HCRTR2: variants seen among roughly 807,000 people sequenced by gnomAD.
HCRTR2 encodes orexin receptor type 2.
HCRTR2 carries 22 observed loss-of-function variants against 49.0 expected under a neutral mutation model. That is an observed-to-expected ratio of 0.45 (90% CI 0.32 to 0.64). HCRTR2 has a LOEUF of 0.64. HCRTR2 is among the 30% of genes least tolerant of loss of function. HCRTR2 has a pLI of 0.04. For missense variants in HCRTR2, 491 were observed against 559.4 expected, an observed-to-expected ratio of 0.88 and a Z score of 1.23; for synonymous variants, 236 against 205.3, an observed-to-expected ratio of 1.15 and a Z score of -1.28.
intron 3 of HCRTR2, among the ~76,000 whole-genome samples, chr6:55,263,502 T>C (rs753125971): frequency 1.3e-5 from 2 of 152,150 alleles, no homozygotes; most frequent in Non-Finnish European, 2.9e-5. Context: ...AAATTACGAC[T>C]TCACATTTGG....
intron 1 of HCRTR2, among the ~76,000 whole-genome samples, chr6:55,220,635 C>T (rs530265707): frequency 2.0e-5 from 3 of 152,092 alleles, no homozygotes; most frequent in Non-Finnish European, 4.4e-5. Context: ...GCTTTTCCTC[C>T]AAGATCAGGA....
At chr6:55,279,052 C>T (rs765418767) in intron 5 of HCRTR2, among the ~76,000 whole-genome samples, 2 of 151,624 alleles carry the variant, frequency 1.3e-5, no homozygotes, top group African/African-American at 2.4e-5. Flanking sequence ...CCTTCCTTTC[C>T]AAGGAAAACA....
At chr6:55,259,479 T>C (rs1383887869) in intron 3 of HCRTR2, among the ~76,000 whole-genome samples, 2 of 152,070 alleles carry the variant, frequency 1.3e-5, no homozygotes, top group African/African-American at 4.8e-5. Context: ...TCCTGATAAG[T>C]GTACCATGAA....
chr6:55,206,880 G>T (rs1315953323), intron 1 of HCRTR2, among the ~76,000 whole-genome samples: 1 of 151,996 alleles, frequency 6.6e-6, no homozygotes, highest in Non-Finnish European at 1.5e-5. Context: ...TTGACTTAGT[G>T]TAAGTTTCCA....
chr6:55,131,946 A>T (rs551305701), intron 1 of HCRTR2, among the ~76,000 whole-genome samples: 5 of 151,926 alleles, frequency 3.3e-5, no homozygotes, highest in African/African-American at 1.2e-4. Context: ...ATCAATTTAA[A>T]GGCAATGCGT....
intron 1 of HCRTR2, among the ~76,000 whole-genome samples, chr6:55,129,930 T>C (rs2127245322): frequency 6.6e-6 from 1 of 152,156 alleles, no homozygotes; most frequent in Non-Finnish European, 1.5e-5. Context: ...CCGCTGCTTT[T>C]CCCTTACTTT....
chr6:55,219,529 A>G (rs956495449), intron 1 of HCRTR2, among the ~76,000 whole-genome samples: 10 of 152,306 alleles, frequency 6.6e-5, no homozygotes, highest in African/African-American at 2.4e-4. Flanking sequence ...TAAAAAGACA[A>G]CATATCCAAA....
chr6:55,225,399 T>C (rs1400587050), intron 1 of HCRTR2, among the ~76,000 whole-genome samples: 1 of 152,306 alleles, frequency 6.6e-6, no homozygotes, highest in Non-Finnish European at 1.5e-5. Context: ...CATCCTTCTA[T>C]GAGTTGAATT....
At chr6:55,248,537 T>C in intron 1 of HCRTR2, 102 bp from the exon 2 acceptor site, 2 of 980,492 alleles carry the variant, frequency 2.0e-6, no homozygotes, top group South Asian at 2.7e-5. Context: ...TATTTTTCTT[T>C]TTAAATACAT....
chr6:55,270,055 C>A (rs1295084157), intron 4 of HCRTR2, among the ~76,000 whole-genome samples: 1 of 152,074 alleles, frequency 6.6e-6, no homozygotes, highest in Non-Finnish European at 1.5e-5. Flanking sequence ...TTATAATTCC[C>A]TAAAAAGAGA....
chr6:55,200,250 T>C (rs941422327), intron 1 of HCRTR2, among the ~76,000 whole-genome samples: 1 of 149,852 alleles, frequency 6.7e-6, no homozygotes, highest in Non-Finnish European at 1.5e-5. Flanking sequence ...TGTGTGTGTG[T>C]GTGTGTGTGT....
intron 1 of HCRTR2, among the ~76,000 whole-genome samples, chr6:55,133,495 C>G (rs142024918): frequency 5.7e-4 from 86 of 151,862 alleles, no homozygotes; most frequent in African/African-American, 2.0e-3. Flanking sequence ...CATTTCAAAG[C>G]TTTCTTCAAT....
intron 1 of HCRTR2, among the ~76,000 whole-genome samples, chr6:55,231,321 T>C (rs993222731): frequency 2.0e-5 from 3 of 152,098 alleles, no homozygotes; most frequent in African/African-American, 7.2e-5. Flanking sequence ...GTAATGAAAT[T>C]AAACATGTGA....
intron 5 of HCRTR2, among the ~76,000 whole-genome samples, chr6:55,278,913 A>G (rs966256718): frequency 6.6e-6 from 1 of 151,856 alleles, no homozygotes; most frequent in Non-Finnish European, 1.5e-5. Flanking sequence ...TCTAAATTCA[A>G]TGAAAATTGG....
At chr6:55,272,964 T>C (rs1424886605) in intron 4 of HCRTR2, among the ~76,000 whole-genome samples, 7 of 151,510 alleles carry the variant, frequency 4.6e-5, no homozygotes, top group African/African-American at 1.2e-4. Context: ...AGATCAGTTA[T>C]TGCAGTTGTC....
intron 1 of HCRTR2, among the ~76,000 whole-genome samples, chr6:55,202,967 A>G (rs908050879): frequency 3.9e-5 from 6 of 152,176 alleles, no homozygotes; most frequent in Non-Finnish European, 7.4e-5. Context: ...GTTCCACATC[A>G]AAGTTGTTTT....
At chr6:55,178,062 T>C (rs551532551) in intron 1 of HCRTR2, among the ~76,000 whole-genome samples, 3 of 152,258 alleles carry the variant, frequency 2.0e-5, no homozygotes, top group East Asian at 1.9e-4. Context: ...ACTTATTCAA[T>C]TGGTATATTG....
chr6:55,262,941 A>G (rs891931618), intron 3 of HCRTR2, among the ~76,000 whole-genome samples: 5 of 151,452 alleles, frequency 3.3e-5, no homozygotes, highest in African/African-American at 1.2e-4. Context: ...TAAATAAAAA[A>G]TTACTACAGT....
intron 1 of HCRTR2, among the ~76,000 whole-genome samples, chr6:55,239,734 A>C (rs886998306): frequency 6.6e-6 from 1 of 151,210 alleles, no homozygotes; most frequent in Non-Finnish European, 1.5e-5. Flanking sequence ...AACCCGAAAC[A>C]CATTTAAGAT....
Sources: gnomAD v4.1 joint callset for allele counts (sites outside exome capture counted in the v4.1 genomes callset) on GRCh38, gnomAD v4.1.1 for gene constraint, MANE v1.5 for transcripts, NCBI Gene and HGNC (gene_info 2026-07-23, HGNC 2026-07-21) for gene names.